The following ZFYVE28 variants were observed in gnomAD, a reference collection of about 807,000 sequenced individuals.
The protein encoded by ZFYVE28 is lateral signaling target protein 2 homolog.
A neutral mutation model predicts 82.1 loss-of-function variants in ZFYVE28; 40 were observed. That is an observed-to-expected ratio of 0.49 (90% CI 0.38 to 0.63). The LOEUF is 0.63. ZFYVE28 is among the 30% of genes least tolerant of loss of function. The probability of loss-of-function intolerance (pLI) is 0.00; values close to 1 mark genes in which losing one functional copy is unlikely to be tolerated. For synonymous variants in ZFYVE28, 612 were observed against 546.1 expected, an observed-to-expected ratio of 1.12 and a Z score of -1.68; for missense variants, 1,321 against 1,242.1, an observed-to-expected ratio of 1.06 and a Z score of -0.96.
intron 1 of ZFYVE28, among the ~76,000 whole-genome samples, chr4:2,382,596 C>A (rs985410312): frequency 5.9e-5 from 9 of 152,176 alleles, no homozygotes; most frequent in African/African-American, 1.2e-4. Flanking sequence ...TATATGTACC[C>A]AATACCTGTA....
chr4:2,369,426 C>T (rs910886586), intron 1 of ZFYVE28, among the ~76,000 whole-genome samples: 2 of 152,190 alleles, frequency 1.3e-5, no homozygotes, highest in African/African-American at 4.8e-5. Context: ...GCCCCCAGAG[C>T]CTACTCTGGG....
At chr4:2,391,215 T>C (rs193033564) in intron 1 of ZFYVE28, among the ~76,000 whole-genome samples, 6 of 152,296 alleles carry the variant, frequency 3.9e-5, no homozygotes, top group Admixed American at 3.9e-4. Context: ...ATTTAGTGCC[T>C]TTTTACAATT....
At chr4:2,351,855 G>A (rs975167683) in intron 2 of ZFYVE28, among the ~76,000 whole-genome samples, 8 of 152,228 alleles carry the variant, frequency 5.3e-5, no homozygotes, top group South Asian at 2.1e-4. Context: ...AGAGTGGCTC[G>A]CAGAACTCAG....
intron 6 of ZFYVE28, among the ~76,000 whole-genome samples, chr4:2,327,264 ATATATATATAT>A (rs1189243249): frequency 8.9e-5 from 1 of 11,236 alleles, no homozygotes; most frequent in East Asian, 1.2e-3. Flanking sequence ...ATATATATAT[ATATATATATAT>A]ATATATATAT....
At chr4:2,410,005 C>T (rs1258147277) in intron 1 of ZFYVE28, among the ~76,000 whole-genome samples, 1 of 152,234 alleles carries the variant, frequency 6.6e-6, no homozygotes, top group Non-Finnish European at 1.5e-5. Context: ...GGAACCATGG[C>T]TCTGGGCCTA....
chr4:2,363,832 G>C (rs1410084601), intron 1 of ZFYVE28, among the ~76,000 whole-genome samples: 1 of 152,164 alleles, frequency 6.6e-6, no homozygotes, highest in Admixed American at 6.5e-5. Flanking sequence ...CACCCCAGAG[G>C]AGGTAAGGGG....
At chr4:2,279,891 G>C (rs1267849150) in intron 8 of ZFYVE28, among the ~76,000 whole-genome samples, 2 of 152,236 alleles carry the variant, frequency 1.3e-5, no homozygotes, top group Non-Finnish European at 2.9e-5. Context: ...ACAGCTGAAG[G>C]GGGAGGGGAA....
In ZFYVE28 at chr4:2,330,754, G is replaced by A; in HGVS notation, c.701+4951C>T. 3 of 1,503,250 alleles carry A rather than the reference G, an allele frequency of 2.0e-6. No individual in the cohort carries two copies. In the South Asian group the frequency reaches 3.9e-5, roughly 19 times the overall value. The allele number at this position is 1,503,250 out of a possible 1,614,324, so 93.1% of individuals were successfully genotyped here. A position where few individuals can be genotyped will look rare whatever the true frequency, so the allele number is the denominator to read the frequency against. ...ATGGAAAAGGGGACAGTGCGGGGGA[G>A]GGGACAGTGTGGCAGTAGGGATAGG... On this transcript the variant is annotated intron_variant, in intron 6 of 12. Coordinates refer to ENST00000290974, the MANE Select transcript of ZFYVE28 (RefSeq NM_020972.3).
At chr4:2,365,281 A>G (rs1384085311) in intron 1 of ZFYVE28, among the ~76,000 whole-genome samples, 3 of 151,990 alleles carry the variant, frequency 2.0e-5, no homozygotes, top group Non-Finnish European at 4.4e-5. Flanking sequence ...AGCAGGGGAC[A>G]AGGGCGTGAG....
At chr4:2,306,603 T>G (rs1397901678) in intron 7 of ZFYVE28, among the ~76,000 whole-genome samples, 3 of 152,254 alleles carry the variant, frequency 2.0e-5, no homozygotes, top group African/African-American at 7.2e-5. Context: ...CCCAGTTAAA[T>G]TTCAATTTCA....
chr4:2,335,124 G>GTTCCCT lies in ZFYVE28; in HGVS notation c.701+580_701+581insAGGGAA, dbSNP rs1721466714. On this transcript the variant is annotated intron_variant, in intron 6 of 12. Coordinates refer to ENST00000290974, the MANE Select transcript of ZFYVE28 (RefSeq NM_020972.3). The surrounding 1 kb of genome is among the most constrained non-coding windows in gnomAD (Gnocchi z 5.8). ...TCCTTGAGCCCCACAGGACCCTACAGGCTGCCTTGAGTTCCCTGCTCTCCC... is the reference window on the plus strand; with the variant it reads ...TCCTTGAGCCCCACAGGACCCTACAGTTCCCTGCTGCCTTGAGTTCCCTGCTCTCCC... Among the ~76,000 whole-genome samples the GTTCCCT allele has an allele frequency of 6.6e-6, 1 of 151,600 alleles. No individual in the cohort carries two copies. The highest frequency in any genetic ancestry group is 1.5e-5 in the Non-Finnish European group (1 of 67,894).
intron 1 of ZFYVE28, among the ~76,000 whole-genome samples, chr4:2,403,085 G>T (rs3128771): frequency 2.0e-5 from 3 of 152,290 alleles, no homozygotes; most frequent in South Asian, 2.1e-4. Flanking sequence ...GAACAATACA[G>T]GTCCTTTCCC....
At position 2,417,345 on chromosome 4, in the gene ZFYVE28, G is replaced by A. The variant is rs925705364; in HGVS notation, c.39+940C>T. ...CACCGCCGCGCCTTCATCCCGCGCC[G>A]AGCGCGCCCGGCCCTGCTCCGGCTG... On this transcript the variant is annotated intron_variant, in intron 1 of 12. Transcript: ENST00000290974. This position sits in a 1 kb window ranked among gnomAD's most constrained non-coding sequence, Gnocchi z 4.8. Among the ~76,000 whole-genome samples the A allele has an allele frequency of 5.9e-5, 9 of 151,914 alleles. No homozygotes were observed. In the East Asian group the frequency reaches 1.7e-3, roughly 29 times the overall value.
At chr4:2,342,912 A>G (rs1325645269) in intron 2 of ZFYVE28, 1 of 152,186 alleles carries the variant, frequency 6.6e-6, no homozygotes, top group Non-Finnish European at 1.5e-5. Context: ...GTTCCTTCTA[A>G]TTCTCATCTT....
chr4:2,336,775 G>GTGAGGAGTGAGGAGA (rs1721793082), intron 5 of ZFYVE28, among the ~76,000 whole-genome samples: 3 of 128,814 alleles, frequency 2.3e-5, no homozygotes, highest in African/African-American at 8.2e-5. Context: ...GAGTGAGGAG[G>GTGAGGAGTGAGGAGA]TGAGGAGGTG....
At chr4:2,414,488 G>T (rs1424160310) in intron 1 of ZFYVE28, among the ~76,000 whole-genome samples, 1 of 152,178 alleles carries the variant, frequency 6.6e-6, no homozygotes, top group Non-Finnish European at 1.5e-5. Context: ...ACAAAGCGGG[G>T]GGACAAGAAA....
chr4:2,324,350 A>G (rs1719557433), intron 6 of ZFYVE28: 1 of 152,278 alleles, frequency 6.6e-6, no homozygotes, highest in Non-Finnish European at 1.5e-5. Flanking sequence ...CATCTTTAAA[A>G]TACCTCACAG....
intron 2 of ZFYVE28, among the ~76,000 whole-genome samples, chr4:2,349,445 C>A (rs905109703): frequency 3.3e-5 from 5 of 151,826 alleles, no homozygotes; most frequent in African/African-American, 1.2e-4. Context: ...TGCAGCGCAC[C>A]AGCATGGGAC....
rs184230057 is a variant in ZFYVE28 at position 2,408,828 on chromosome 4, G to A, written c.39+9457C>T. ...CACGCCCAGGTGAGCCCCGCCCCAC[G>A]GGCTGATCCACCCAATCCTGACGTG... On this transcript the variant is annotated intron_variant, in intron 1 of 12. Coordinates refer to ENST00000290974, the MANE Select transcript of ZFYVE28 (RefSeq NM_020972.3). This position sits in a 1 kb window ranked among gnomAD's most constrained non-coding sequence, Gnocchi z 4.3. Among the ~76,000 whole-genome samples the A allele has an allele frequency of 2.4e-4, 37 of 151,702 alleles. No individual in the cohort carries two copies. In the East Asian group the frequency reaches 7.0e-3, roughly 29 times the overall value.
Sources: allele counts gnomAD v4.1 joint callset (sites outside exome capture counted in the v4.1 genomes callset), GRCh38; gene constraint gnomAD v4.1.1; non-coding constraint Gnocchi (gnomAD v3.1); transcripts MANE v1.5; gene names NCBI Gene and HGNC (gene_info 2026-07-23, HGNC 2026-07-21).